The following EHBP1 variants were observed in gnomAD, a reference collection of about 807,000 sequenced individuals.
EHBP1 encodes EH domain-binding protein 1.
A neutral mutation model predicts 144.0 loss-of-function variants in EHBP1; 55 were observed. The ratio of observed to expected loss-of-function variants is 0.38; its 90% CI spans 0.31 to 0.48. The LOEUF (loss-of-function observed/expected upper bound fraction) is 0.48. EHBP1 is among the 20% of genes least tolerant of loss of function. EHBP1 has a pLI of 0.98. For synonymous variants in EHBP1, 469 were observed against 472.7 expected, an observed-to-expected ratio of 0.99 and a Z score of 0.10; for missense variants, 1,200 against 1,364.2, an observed-to-expected ratio of 0.88 and a Z score of 1.90.
intron 10 of EHBP1, among the ~76,000 whole-genome samples, chr2:62,933,837 A>G (rs369088546): frequency 6.6e-6 from 1 of 152,188 alleles, no homozygotes; most frequent in Non-Finnish European, 1.5e-5. Flanking sequence ...TTAAATTTAC[A>G]TAAATGGAAT....
chr2:62,944,162 A>G (rs1344256368), intron 12 of EHBP1, among the ~76,000 whole-genome samples: 3 of 152,234 alleles, frequency 2.0e-5, no homozygotes, highest in Non-Finnish European at 4.4e-5. Context: ...CTGTTGTGCC[A>G]TAGTTGTTAT....
intron 10 of EHBP1, among the ~76,000 whole-genome samples, chr2:62,925,498 T>G (rs1484319491): frequency 2.0e-5 from 3 of 152,086 alleles, no homozygotes; most frequent in African/African-American, 7.2e-5. Context: ...AATAAAATGT[T>G]ATTATTAAAA....
At position 62,990,827 on chromosome 2, in the gene EHBP1, A is replaced by G; in HGVS notation, c.2720A>G (p.Glu907Gly). The change falls in exon 16 of 23, where the codon GAG (glutamate) becomes GGG (glycine). Residue 907 changes from glutamate (E) to glycine (G), a missense_variant. Transcript: ENST00000431489. ...CAGAAAGCTGTAACTGAGAGCTCAG[A>G]GCAGGACATGAAAGTAAGTCTTACT... ...AAQKAVTESSEQDMKSGTEDL... is the reference protein window; with the variant it reads ...AAQKAVTESSGQDMKSGTEDL... The G allele has an allele frequency of 6.2e-7, 1 of 1,613,418 alleles. No individual in the cohort carries two copies. The highest frequency in any genetic ancestry group is 8.5e-7 in the Non-Finnish European group (1 of 1,179,610).
At chr2:62,964,819 T>G (rs1396018662) in intron 14 of EHBP1, 7 of 152,660 alleles carry the variant, frequency 4.6e-5, no homozygotes. Context: ...GTAAACCACA[T>G]CCCGTTAATT....
chr2:62,767,677 A>T (rs1246658239), intron 4 of EHBP1, among the ~76,000 whole-genome samples: 1 of 152,016 alleles, frequency 6.6e-6, no homozygotes, highest in African/African-American at 2.4e-5. Context: ...TCTTTTGAAA[A>T]TACAAAAAAT....
At chr2:62,735,300 C>T (rs113103539) in intron 2 of EHBP1, among the ~76,000 whole-genome samples, 166 of 150,224 alleles carry the variant, frequency 1.1e-3, no homozygotes, top group African/African-American at 3.7e-3. Context: ...TTTGTGGTTG[C>T]GTTAGAGTTT....
chr2:62,999,309 A>G (rs1469626921), intron 19 of EHBP1, among the ~76,000 whole-genome samples: 1 of 152,148 alleles, frequency 6.6e-6, no homozygotes, highest in African/African-American at 2.4e-5. Flanking sequence ...TACTGACTAT[A>G]TTCAGGTTTT....
At chr2:62,688,651 T>A (rs1291404515) in intron 1 of EHBP1, among the ~76,000 whole-genome samples, 1 of 152,188 alleles carries the variant, frequency 6.6e-6, no homozygotes, top group Non-Finnish European at 1.5e-5. Context: ...CAGCCTCTAG[T>A]ATCTTCTGTT....
chr2:62,740,406 G>A lies in EHBP1; in HGVS notation c.105-6989G>A, dbSNP rs936220382. On this transcript the variant is annotated intron_variant, in intron 2 of 22. Transcript: ENST00000431489. ...AATAACTCTTGTGAGTAAGCATAAA[G>A]GAGTATAATTAACTGGAACTGTAGC... is the stretch of plus-strand genomic sequence containing the variant. 7.2e-5 allele frequency among the ~76,000 whole-genome samples: 11 copies of A among 152,236 alleles called. No homozygotes were observed. In the South Asian group the frequency reaches 2.3e-3, roughly 32 times the overall value.
At position 62,844,443 on chromosome 2, in the gene EHBP1, A is replaced by T. The variant is rs375853856; in HGVS notation, c.634+13285A>T. The stretch of plus-strand genomic sequence containing the variant: ...TGAATTACAGTTGGAAAAATCACTG[A>T]AATGTAGCAGGAGTGATAGACCTTG... On this transcript the variant is annotated intron_variant, in intron 7 of 22. Coordinates refer to ENST00000431489, the MANE Select transcript of EHBP1 (RefSeq NM_001142616.3). Among the ~76,000 whole-genome samples, 40 of 152,258 alleles carry T rather than the reference A, an allele frequency of 2.6e-4. 1 individual carries two copies. In the South Asian group the frequency reaches 8.1e-3, roughly 31 times the overall value.
At chr2:62,726,983 C>T (rs1329777971) in intron 2 of EHBP1, among the ~76,000 whole-genome samples, 5 of 152,110 alleles carry the variant, frequency 3.3e-5, no homozygotes, top group Non-Finnish European at 7.4e-5. Context: ...CTGCCTCAGC[C>T]TCCTGAGTAG....
At position 63,045,593 on chromosome 2, in the gene EHBP1, C is replaced by T. The variant is rs2061924629; in HGVS notation, c.*93C>T. On this transcript the variant is annotated 3_prime_UTR_variant, in exon 23 of 23. Coordinates refer to ENST00000431489, the MANE Select transcript of EHBP1 (RefSeq NM_001142616.3). This position sits in a 1 kb window ranked among gnomAD's most constrained non-coding sequence, Gnocchi z 5.7. ...CTCATTGTTGATTTAAAACTTTTAA[C>T]ATTTTGTTTGGCTGGATTGTACTAC... 9.4e-7 allele frequency: 1 copy of T among 1,061,998 alleles called. No homozygotes were observed. The highest frequency in any genetic ancestry group is 1.4e-5 in the South Asian group (1 of 69,560). 65.8% of individuals were successfully genotyped at this position (1,061,998 alleles called of 1,614,324 possible).
At chr2:62,962,495 T>C (rs1186602332) in intron 14 of EHBP1, among the ~76,000 whole-genome samples, 2 of 152,234 alleles carry the variant, frequency 1.3e-5, no homozygotes. Context: ...TTGCATTTGA[T>C]GTGCTTAAGT....
chr2:62,951,348 C>T (rs1335994207), intron 13 of EHBP1, among the ~76,000 whole-genome samples: 2 of 152,008 alleles, frequency 1.3e-5, no homozygotes, highest in Non-Finnish European at 2.9e-5. Flanking sequence ...CCAAAGCAAG[C>T]CCCTGTTCTC....
rs556209713 is a variant in EHBP1 at position 62,749,033 on chromosome 2, G to A, written c.162+1581G>A. Among the ~76,000 whole-genome samples, 8 of 152,040 alleles carry A rather than the reference G, an allele frequency of 5.3e-5. No homozygotes were observed. In the South Asian group the frequency reaches 1.2e-3, roughly 24 times the overall value. ...AAGTTCTAGGGTACATGTGCACAAC[G>A]TGCAGGTTTGTTACATATGTATACA... On this transcript the variant is annotated intron_variant, in intron 3 of 22. Coordinates refer to ENST00000431489, the MANE Select transcript of EHBP1 (RefSeq NM_001142616.3).
intron 2 of EHBP1, among the ~76,000 whole-genome samples, chr2:62,714,239 G>C (rs966781554): frequency 6.6e-6 from 1 of 152,148 alleles, no homozygotes; most frequent in Non-Finnish European, 1.5e-5. Flanking sequence ...AAAAAAGAAA[G>C]AAAGAAAAAG....
intron 7 of EHBP1, among the ~76,000 whole-genome samples, chr2:62,832,421 A>ATT (rs1268564834): frequency 7.7e-6 from 1 of 129,576 alleles, no homozygotes; most frequent in African/African-American, 2.9e-5. Context: ...CACTTCACAG[A>ATT]TTTTTTTTTC....
At chr2:62,958,702 A>G (rs1282453493) in intron 14 of EHBP1, among the ~76,000 whole-genome samples, 1 of 152,218 alleles carries the variant, frequency 6.6e-6, no homozygotes, top group African/African-American at 2.4e-5. Flanking sequence ...ATCTTTTTAA[A>G]TTATTACAAG....
chr2:62,988,323 A>T (rs2059281504), intron 15 of EHBP1, among the ~76,000 whole-genome samples: 1 of 152,126 alleles, frequency 6.6e-6, no homozygotes, highest in Admixed American at 6.5e-5. Flanking sequence ...GTAGGTTTTC[A>T]ATAGCTGGTT....
Sources: allele counts gnomAD v4.1 joint callset (sites outside exome capture counted in the v4.1 genomes callset), GRCh38; gene constraint gnomAD v4.1.1; non-coding constraint Gnocchi (gnomAD v3.1); transcripts MANE v1.5; gene names NCBI Gene and HGNC (gene_info 2026-07-23, HGNC 2026-07-21).